Variants in VAV3 observed in about 807,000 individuals in gnomAD.
The protein encoded by VAV3 is vav guanine nucleotide exchange factor 3.
In VAV3, 94 loss-of-function variants were observed where a neutral mutation model predicts 131.2. That is an observed-to-expected ratio of 0.72 (90% CI 0.61 to 0.85). The LOEUF (loss-of-function observed/expected upper bound fraction) is 0.85, where lower values mean the gene tolerates loss of function less well. VAV3 is among the 40% of genes least tolerant of loss of function. The pLI is 0.00. For synonymous variants in VAV3, 349 were observed against 342.0 expected, an observed-to-expected ratio of 1.02 and a Z score of -0.22; for missense variants, 939 against 1,002.7, an observed-to-expected ratio of 0.94 and a Z score of 0.86.
intron 15 of VAV3, among the ~76,000 whole-genome samples, chr1:107,723,581 T>A (rs1557794184): frequency 8.6e-6 from 1 of 115,770 alleles, no homozygotes; most frequent in African/African-American, 2.9e-5. Context: ...GAGTTGAAGC[T>A]ATATTAGATC....
At chr1:107,583,175 AT>A (rs1216062432) in intron 25 of VAV3, among the ~76,000 whole-genome samples, 1 of 151,864 alleles carries the variant, frequency 6.6e-6, no homozygotes, top group Non-Finnish European at 1.5e-5. Context: ...GATGGTGAGC[AT>A]TTTTTCATGT....
chr1:107,797,309 G>T (rs1030817543), intron 2 of VAV3, among the ~76,000 whole-genome samples: 34 of 152,122 alleles, frequency 2.2e-4, no homozygotes, highest in Non-Finnish European at 4.6e-4. Context: ...GAGAAGTTAT[G>T]ATTTTATTTT....
Position 107,933,101 on chromosome 1 carries a change from C to T in VAV3, c.204+31565G>A, listed in dbSNP as rs775577368. Among the ~76,000 whole-genome samples, 55 of 152,196 alleles carry T rather than the reference C, an allele frequency of 3.6e-4. 1 individual carries two copies. Among genetic ancestry groups the T allele is most frequent in the African/African-American group, 1.2e-3 (50 of 41,542 alleles). On this transcript the variant is annotated intron_variant, in intron 1 of 26. Coordinates refer to ENST00000370056, the MANE Select transcript of VAV3 (RefSeq NM_006113.5). ...AAGAAATTTATGCCAAATAATGAAA[C>T]GTGTGTGAATATATTAAAAACCTCT...
chr1:107,918,096 A>G (rs1451132867), intron 1 of VAV3, among the ~76,000 whole-genome samples: 1 of 152,214 alleles, frequency 6.6e-6, no homozygotes, highest in Non-Finnish European at 1.5e-5. Context: ...CTGCTCTCCA[A>G]TAGCTTTCAG....
At chr1:107,910,637 A>G (rs146694856) in intron 1 of VAV3, among the ~76,000 whole-genome samples, 44 of 152,320 alleles carry the variant, frequency 2.9e-4, no homozygotes, top group Non-Finnish European at 1.6e-4. Flanking sequence ...TACTAATAAC[A>G]TAAGGTTTTC....
intron 1 of VAV3, among the ~76,000 whole-genome samples, chr1:107,926,606 G>A (rs1251655267): frequency 6.6e-6 from 1 of 151,934 alleles, no homozygotes; most frequent in Non-Finnish European, 1.5e-5. Context: ...TAGCTGTGTG[G>A]TAGAGAGAGA....
At chr1:107,824,373 A>G (rs1429815281) in intron 2 of VAV3, among the ~76,000 whole-genome samples, 1 of 152,216 alleles carries the variant, frequency 6.6e-6, no homozygotes, top group Non-Finnish European at 1.5e-5. Flanking sequence ...TTTGTTTTAC[A>G]GTGAAGGAAA....
At chr1:107,613,242 T>C (rs1170440359) in intron 21 of VAV3, among the ~76,000 whole-genome samples, 2 of 152,168 alleles carry the variant, frequency 1.3e-5, no homozygotes, top group East Asian at 1.9e-4. Context: ...TTTTAATATA[T>C]GCTTCTTGAC....
chr1:107,756,977 A>G (rs1032285287), intron 11 of VAV3, among the ~76,000 whole-genome samples: 1 of 152,032 alleles, frequency 6.6e-6, no homozygotes, highest in Non-Finnish European at 1.5e-5. Context: ...TGATTTTAAT[A>G]TACTTCTTAG....
At chr1:107,784,380 A>G (rs1414877137) in intron 2 of VAV3, among the ~76,000 whole-genome samples, 2 of 152,182 alleles carry the variant, frequency 1.3e-5, no homozygotes, top group African/African-American at 2.4e-5. Flanking sequence ...GCAATGATTT[A>G]GCCATTCTCT....
At chr1:107,606,114 T>C (rs1312162816) in intron 22 of VAV3, among the ~76,000 whole-genome samples, 2 of 152,220 alleles carry the variant, frequency 1.3e-5, no homozygotes, top group African/African-American at 4.8e-5. Flanking sequence ...TTCAGCTTTT[T>C]CTAAACATAC....
At chr1:107,719,269 T>C (rs138994948) in intron 15 of VAV3, among the ~76,000 whole-genome samples, 163 of 152,140 alleles carry the variant, frequency 1.1e-3, no homozygotes, top group African/African-American at 3.0e-3. Context: ...AGTGAACAGG[T>C]AACCTACAGA....
chr1:107,688,525 T>TA, intron 17 of VAV3, 119 bp from the exon 18 acceptor site: 1 of 1,555,880 alleles, frequency 6.4e-7, no homozygotes, highest in Non-Finnish European at 8.7e-7. Flanking sequence ...CTGATACCTG[T>TA]AATATATTTC....
chr1:107,769,425 C>A (rs567472921), intron 6 of VAV3, among the ~76,000 whole-genome samples: 1 of 152,260 alleles, frequency 6.6e-6, no homozygotes, highest in South Asian at 2.1e-4. Context: ...CCTAGTCAAT[C>A]TACTCTTCTA....
At chr1:107,753,559 C>CAT (rs746580549) in intron 12 of VAV3, among the ~76,000 whole-genome samples, 16,399 of 92,310 alleles carry the variant, frequency 0.18, 1,415 homozygotes, top group Non-Finnish European at 0.22. Flanking sequence ...TACACACACA[C>CAT]ACTTTTTTTT....
rs558297012 is a variant in VAV3, at chr1:107,870,512, G to C, written c.321+4389C>G. On this transcript the variant is annotated intron_variant, in intron 2 of 26. Coordinates refer to ENST00000370056, the MANE Select transcript of VAV3 (RefSeq NM_006113.5). ...TGTTTTATTTTTCTTGCTAATTTGA[G>C]TTCCTTGTAGATTCTTGATATTAGT... is the stretch of plus-strand genomic sequence containing the variant. 2.2e-4 allele frequency among the ~76,000 whole-genome samples: 34 copies of C among 152,146 alleles called. No homozygotes were observed. In the South Asian group the frequency reaches 5.6e-3, roughly 25 times the overall value.
chr1:107,890,888 G>T (rs1671277716), intron 1 of VAV3, among the ~76,000 whole-genome samples: 1 of 152,084 alleles, frequency 6.6e-6, no homozygotes, highest in Non-Finnish European at 1.5e-5. Context: ...CCCTAATTAG[G>T]TATTTATAAG....
At chr1:107,946,610 T>C (rs562663826) in intron 1 of VAV3, among the ~76,000 whole-genome samples, 4 of 152,330 alleles carry the variant, frequency 2.6e-5, no homozygotes, top group African/African-American at 9.6e-5. Context: ...CACAAGGACA[T>C]GGACAGTCAT....
chr1:107,964,649 C>T lies in VAV3; in HGVS notation c.204+17G>A, dbSNP rs758029299. 4.4e-6 allele frequency: 7 copies of T among 1,606,946 alleles called. No individual in the cohort carries two copies. Among genetic ancestry groups the T allele is most frequent in the African/African-American group, 1.3e-5 (1 of 74,892 alleles). ...AGCTGCCGGCTGGAGGCGGGGCGCCCGTGCCGGCCTCCTCACCTGGGACAT... is the reference window on the plus strand; with the variant it reads ...AGCTGCCGGCTGGAGGCGGGGCGCCTGTGCCGGCCTCCTCACCTGGGACAT... On this transcript the variant is annotated intron_variant, in intron 1 of 26. Coordinates refer to ENST00000370056, the MANE Select transcript of VAV3 (RefSeq NM_006113.5).
Sources: gnomAD v4.1 joint callset for allele counts (sites outside exome capture counted in the v4.1 genomes callset) on GRCh38, gnomAD v4.1.1 for gene constraint, MANE v1.5 for transcripts, NCBI Gene and HGNC (gene_info 2026-07-23, HGNC 2026-07-21) for gene names.